ZNF474: variants seen among roughly 807,000 people sequenced by gnomAD.
The protein encoded by ZNF474 is zinc finger protein 474, also known as 4933409D10Rik.
For synonymous variants in ZNF474, 192 were observed against 162.2 expected, an observed-to-expected ratio of 1.18 and a Z score of -1.39; for missense variants, 511 against 433.8, an observed-to-expected ratio of 1.18 and a Z score of -1.58.
Position 122,152,658 on chromosome 5 carries a change from T to C in ZNF474, c.668T>C (p.Ile223Thr), listed in dbSNP as rs114194971. The change falls in exon 2 of 2, where the codon ATC becomes ACC. Residue 223 changes from isoleucine to threonine, a missense_variant. Physicochemically the swap from Ile to Thr is moderately conservative, Grantham distance 89. Transcript: ENST00000296600. ...SGTPARPRTV[I>T]CYICGKEFGT... ...ACCCCAGCCCGACCAAGGACTGTTA[T>C]CTGCTACATATGTGGTAAGGAATTT... 3,293 of 1,614,194 alleles carry C rather than the reference T, an allele frequency of 2.0e-3. 64 individuals are homozygous for C. The African/African-American group carries it at 0.035, about 17-fold the overall frequency.
chr5:122,151,548 A>G (rs1381898980), intron 1 of ZNF474, among the ~76,000 whole-genome samples: 1 of 152,150 alleles, frequency 6.6e-6, no homozygotes, highest in African/African-American at 2.4e-5. Context: ...TTTTCAATAC[A>G]GTGATAGTGC....
intron 1 of ZNF474, among the ~76,000 whole-genome samples, chr5:122,142,486 C>A (rs1193551011): frequency 6.6e-6 from 1 of 152,108 alleles, no homozygotes. Flanking sequence ...AAACTAAAAG[C>A]TGAAGAGGTT....
At chr5:122,144,323 G>A (rs187419126) in intron 1 of ZNF474, among the ~76,000 whole-genome samples, 3 of 152,152 alleles carry the variant, frequency 2.0e-5, no homozygotes, top group African/African-American at 7.2e-5. Flanking sequence ...TGTCCCCACA[G>A]GACACTTTCA....
chr5:122,148,624 G>A (rs1042029392), intron 1 of ZNF474, among the ~76,000 whole-genome samples: 2 of 152,064 alleles, frequency 1.3e-5, no homozygotes, highest in Non-Finnish European at 2.9e-5. Context: ...TGCTGGTTAT[G>A]TAGATTTTTC....
intron 1 of ZNF474, among the ~76,000 whole-genome samples, chr5:122,139,443 A>G (rs533932788): frequency 4.3e-4 from 66 of 152,288 alleles, no homozygotes; most frequent in African/African-American, 1.3e-3. Context: ...TTATAACTGG[A>G]ATTTTGCAGT....
intron 1 of ZNF474, among the ~76,000 whole-genome samples, chr5:122,140,207 T>G (rs1755802223): frequency 6.6e-6 from 1 of 152,224 alleles, no homozygotes; most frequent in African/African-American, 2.4e-5. Context: ...TGATAAATTC[T>G]TATTAAAAAC....
chr5:122,150,229 G>A (rs904222100), intron 1 of ZNF474, among the ~76,000 whole-genome samples: 3 of 152,142 alleles, frequency 2.0e-5, no homozygotes, highest in African/African-American at 2.4e-5. Flanking sequence ...GGTACTGATC[G>A]AGTGATAAAT....
At chr5:122,136,015 A>C (rs1755691568) in intron 1 of ZNF474, among the ~76,000 whole-genome samples, 2 of 152,144 alleles carry the variant, frequency 1.3e-5, no homozygotes, top group Non-Finnish European at 2.9e-5. Flanking sequence ...ATGAATAAAT[A>C]GGGGTTGGTT....
chr5:122,151,739 T>G (rs1416152638), intron 1 of ZNF474, 40 bp from the exon 2 acceptor site: 11 of 319,860 alleles, frequency 3.4e-5, no homozygotes, highest in African/African-American at 1.6e-4. Flanking sequence ...GTGTGTGTGT[T>G]TACATAATAA....
chr5:122,136,447 T>A (rs897936876), intron 1 of ZNF474, among the ~76,000 whole-genome samples: 4 of 152,182 alleles, frequency 2.6e-5, no homozygotes, highest in African/African-American at 4.8e-5. Flanking sequence ...TCTACCTAGT[T>A]AGGCAGTGCC....
chr5:122,130,170 A>G (rs980467057), intron 1 of ZNF474, among the ~76,000 whole-genome samples: 2 of 151,946 alleles, frequency 1.3e-5, no homozygotes, highest in Admixed American at 6.6e-5. Context: ...CTTTTTTTTT[A>G]ATTATTTGAG....
At chr5:122,143,329 C>A (rs1392368966) in intron 1 of ZNF474, among the ~76,000 whole-genome samples, 2 of 152,098 alleles carry the variant, frequency 1.3e-5, no homozygotes, top group African/African-American at 2.4e-5. Context: ...GCTCAGAAGT[C>A]TATGTCAAAA....
rs1756247575 is a variant in ZNF474, at chr5:122,153,249, T to G, written c.*164T>G. The G allele has an allele frequency of 2.5e-6, 2 of 800,708 alleles. No homozygotes were observed. The highest frequency in any genetic ancestry group is 3.5e-5 in the African/African-American group (2 of 57,434). The allele number at this position is 800,708 out of a possible 1,614,324, so 49.6% of individuals were successfully genotyped here. A position where few individuals can be genotyped will look rare whatever the true frequency, so the allele number is the denominator to read the frequency against. ...GAATAGATATAAGAACATCCTTGCC[T>G]GATGGGTTCATATTCCTCTTCAATT... On this transcript the variant is annotated 3_prime_UTR_variant, in exon 2 of 2. Transcript: ENST00000296600.
At chr5:122,151,355 G>A (rs1364389247) in intron 1 of ZNF474, among the ~76,000 whole-genome samples, 1 of 152,170 alleles carries the variant, frequency 6.6e-6, no homozygotes, top group African/African-American at 2.4e-5. Flanking sequence ...TGACGTAGTG[G>A]AAGTTTCTGT....
intron 1 of ZNF474, among the ~76,000 whole-genome samples, chr5:122,146,950 A>G (rs1580607120): frequency 6.6e-6 from 1 of 152,194 alleles, no homozygotes; most frequent in Non-Finnish European, 1.5e-5. Context: ...ATTTTCACTA[A>G]CTACAAAGGA....
chr5:122,135,487 C>A (rs1176831852), intron 1 of ZNF474, among the ~76,000 whole-genome samples: 1 of 152,064 alleles, frequency 6.6e-6, no homozygotes, highest in African/African-American at 2.4e-5. Context: ...GAAAGACAGG[C>A]AATATTGATT....
At chr5:122,141,975 T>C (rs982437148) in intron 1 of ZNF474, among the ~76,000 whole-genome samples, 2 of 152,230 alleles carry the variant, frequency 1.3e-5, no homozygotes, top group Non-Finnish European at 2.9e-5. Context: ...CTTCTAATGC[T>C]GCTTTCTCCA....
intron 1 of ZNF474, among the ~76,000 whole-genome samples, chr5:122,131,032 A>G (rs546962558): frequency 7.2e-5 from 11 of 152,160 alleles, no homozygotes; most frequent in African/African-American, 2.2e-4. Context: ...CCATTATTGC[A>G]CTCAACAGGT....
At chr5:122,130,576 T>A (rs1409861542) in intron 1 of ZNF474, among the ~76,000 whole-genome samples, 2 of 152,234 alleles carry the variant, frequency 1.3e-5, no homozygotes, top group Non-Finnish European at 2.9e-5. Context: ...CATTTGTTTA[T>A]TACATTGATT....
Sources: gnomAD v4.1 joint callset for allele counts (sites outside exome capture counted in the v4.1 genomes callset) on GRCh38, gnomAD v4.1.1 for gene constraint, MANE v1.5 for transcripts, NCBI Gene and HGNC (gene_info 2026-07-23, HGNC 2026-07-21) for gene names.